SLC4A10: variants seen among roughly 807,000 people sequenced by gnomAD.
SLC4A10 encodes sodium-driven chloride bicarbonate exchanger.
In SLC4A10, 42 loss-of-function variants were observed where a neutral mutation model predicts 137.7. That is an observed-to-expected ratio of 0.30 (90% CI 0.24 to 0.39). The LOEUF is 0.39. Among genes scored for constraint, SLC4A10 ranks in the 10% least tolerant of loss-of-function variants. The pLI, the probability that SLC4A10 is intolerant of heterozygous loss-of-function variation, is 1.00. For missense variants in SLC4A10, 925 were observed against 1,355.0 expected (o/e 0.68, Z 4.98); for synonymous variants, 474 against 464.1 (o/e 1.02, Z -0.27).
chr2:161,691,993 C>A (rs1217463066), intron 1 of SLC4A10, among the ~76,000 whole-genome samples: 6 of 151,760 alleles, frequency 4.0e-5, no homozygotes, highest in Non-Finnish European at 8.8e-5. Flanking sequence ...GGCTACATGT[C>A]AAATGAAAGA....
intron 1 of SLC4A10, chr2:161,651,260 A>G (rs1272460399): frequency 6.6e-6 from 1 of 152,034 alleles, no homozygotes; most frequent in Non-Finnish European, 1.5e-5. Flanking sequence ...AGAGCTGGAC[A>G]CTCATCTGGA....
intron 1 of SLC4A10, among the ~76,000 whole-genome samples, chr2:161,660,999 C>G (rs1481140610): frequency 6.6e-6 from 1 of 151,734 alleles, no homozygotes; most frequent in Admixed American, 6.6e-5. Context: ...TATAAATAAG[C>G]TTTGATTATA....
intron 9 of SLC4A10, among the ~76,000 whole-genome samples, chr2:161,880,376 AT>A (rs1303328192): frequency 6.6e-6 from 1 of 152,134 alleles, no homozygotes; most frequent in Non-Finnish European, 1.5e-5. Flanking sequence ...CCATGCTTTG[AT>A]TATGGATAAA....
At chr2:161,820,986 G>A (rs1158896096) in intron 3 of SLC4A10, among the ~76,000 whole-genome samples, 1 of 152,018 alleles carries the variant, frequency 6.6e-6, no homozygotes, top group Non-Finnish European at 1.5e-5. Context: ...ATTCTCTTAA[G>A]GTATGTAATT....
intron 15 of SLC4A10, among the ~76,000 whole-genome samples, chr2:161,933,206 T>A (rs987287831): frequency 2.2e-5 from 3 of 136,328 alleles, no homozygotes; most frequent in Admixed American, 1.5e-4. Context: ...TTTCTTTCTT[T>A]CTTTCTTTCT....
intron 10 of SLC4A10, among the ~76,000 whole-genome samples, chr2:161,892,566 T>C (rs1029843420): frequency 6.6e-6 from 1 of 152,090 alleles, no homozygotes; most frequent in African/African-American, 2.4e-5. Flanking sequence ...TCTAAAATGA[T>C]CATTATTACT....
intron 1 of SLC4A10, among the ~76,000 whole-genome samples, chr2:161,722,286 T>G (rs918642342): frequency 8.5e-5 from 13 of 152,228 alleles, no homozygotes; most frequent in African/African-American, 3.1e-4. Flanking sequence ...TTTCAGAATG[T>G]TTGCATTGGT....
intron 1 of SLC4A10, among the ~76,000 whole-genome samples, chr2:161,633,738 G>A (rs1320193475): frequency 2.6e-5 from 4 of 151,494 alleles, no homozygotes; most frequent in Non-Finnish European, 5.9e-5. Context: ...TCAATAACTC[G>A]ATGTATCCAT....
chr2:161,769,693 T>G (rs949200935), intron 1 of SLC4A10, among the ~76,000 whole-genome samples: 1 of 151,950 alleles, frequency 6.6e-6, no homozygotes, highest in Non-Finnish European at 1.5e-5. Flanking sequence ...TGATTCTTCT[T>G]TCATTTCTCT....
chr2:161,982,677 C>T (rs1471204667), intron 26 of SLC4A10, among the ~76,000 whole-genome samples: 1 of 152,126 alleles, frequency 6.6e-6, no homozygotes, highest in African/African-American at 2.4e-5. Flanking sequence ...TCCTCCAGGC[C>T]AGTGGAGCTG....
At chr2:161,687,288 A>G (rs534163269) in intron 1 of SLC4A10, among the ~76,000 whole-genome samples, 1 of 152,322 alleles carries the variant, frequency 6.6e-6, no homozygotes, top group African/African-American at 2.4e-5. Context: ...TATTGGAGGG[A>G]CATATATTAA....
intron 9 of SLC4A10, 30 bp downstream of exon 9, chr2:161,879,318 T>G: frequency 1.3e-6 from 2 of 1,557,874 alleles, no homozygotes; most frequent in Non-Finnish European, 1.7e-6. Context: ...CTTTTGTATT[T>G]TTCTTAAACC....
intron 1 of SLC4A10, among the ~76,000 whole-genome samples, chr2:161,743,062 G>T (rs1322962484): frequency 6.6e-6 from 1 of 151,998 alleles, no homozygotes; most frequent in Non-Finnish European, 1.5e-5. Flanking sequence ...CCCATTCTGT[G>T]GGTTGTTCTC....
intron 1 of SLC4A10, among the ~76,000 whole-genome samples, chr2:161,739,176 CT>C (rs2125234144): frequency 6.6e-6 from 1 of 152,268 alleles, no homozygotes; most frequent in African/African-American, 2.4e-5. Context: ...TAGCATCCTC[CT>C]TCCTTGATAA....
intron 17 of SLC4A10, 39 bp downstream of exon 17, chr2:161,947,766 T>A (rs765373034): frequency 1.3e-6 from 2 of 1,588,424 alleles, no homozygotes; most frequent in Non-Finnish European, 1.7e-6. Context: ...TAAAATAACA[T>A]AGGACAAAAG....
chr2:161,640,442 G>C (rs1302728613), intron 1 of SLC4A10, among the ~76,000 whole-genome samples: 2 of 152,134 alleles, frequency 1.3e-5, no homozygotes, highest in Non-Finnish European at 2.9e-5. Flanking sequence ...CAGAAAGATT[G>C]TATACCAGTT....
intron 8 of SLC4A10, among the ~76,000 whole-genome samples, chr2:161,878,678 T>C (rs947889886): frequency 2.0e-5 from 3 of 152,198 alleles, no homozygotes; most frequent in Non-Finnish European, 4.4e-5. Context: ...TCATAATTTA[T>C]ACTGTAAAGA....
At chr2:161,936,193 A>T (rs1030910299) in intron 15 of SLC4A10, among the ~76,000 whole-genome samples, 1 of 152,048 alleles carries the variant, frequency 6.6e-6, no homozygotes, top group Non-Finnish European at 1.5e-5. Flanking sequence ...TTGCTGGTAT[A>T]TTTTGAAGGT....
intron 2 of SLC4A10, among the ~76,000 whole-genome samples, chr2:161,792,218 A>G (rs2054282899): frequency 6.6e-6 from 1 of 152,152 alleles, no homozygotes; most frequent in Non-Finnish European, 1.5e-5. Context: ...TCAACCAATC[A>G]CTATTTCAGA....
Sources: gnomAD v4.1 joint callset for allele counts (sites outside exome capture counted in the v4.1 genomes callset) on GRCh38, gnomAD v4.1.1 for gene constraint, MANE v1.5 for transcripts, NCBI Gene and HGNC (gene_info 2026-07-23, HGNC 2026-07-21) for gene names.